DDX54: variants seen among roughly 807,000 people sequenced by gnomAD.
DDX54 encodes the protein ATP-dependent RNA helicase DDX54.
A neutral mutation model predicts 105.5 loss-of-function variants in DDX54; 67 were observed. That is an observed-to-expected ratio of 0.64 (90% CI 0.52 to 0.78). The LOEUF is 0.78. Ranked by LOEUF, DDX54 falls within the 30% of genes least tolerant of loss-of-function variation. DDX54 has a pLI of 0.00. For missense variants in DDX54, 1,206 were observed against 1,230.5 expected, an observed-to-expected ratio of 0.98 and a Z score of 0.30; for synonymous variants, 514 against 509.9, an observed-to-expected ratio of 1.01 and a Z score of -0.11.
Position 113,175,067 on chromosome 12 carries a change from C to A in DDX54, c.843G>T (p.Leu281=). 1 of 1,613,956 alleles carries A rather than the reference C, an allele frequency of 6.2e-7. No homozygotes were observed. Among genetic ancestry groups the A allele is most frequent in the Non-Finnish European group, 8.5e-7 (1 of 1,180,002 alleles). Residue 281 remains leucine, a synonymous_variant, in exon 8 of 20, where the codon CTG becomes CTT. Transcript: ENST00000306014. ...GHQTVLFSAT[L]PKLLVEFARA... is the part of the protein sequence containing the mutation. ...GGGCAAATTCCACCAGCAGTTTGGG[C>A]AGCGTGGCGGAGAACAGCACCGTCT...
At chr12:113,175,183 G>C (rs1363976390) in intron 7 of DDX54, 26 bp from the exon 8 acceptor site, 1 of 1,571,840 alleles carries the variant, frequency 6.4e-7, no homozygotes, top group East Asian at 2.2e-5. Context: ...GCAGGACTGG[G>C]TCAGAGGGGG....
intron 19 of DDX54, among the ~76,000 whole-genome samples, chr12:113,160,117 G>C (rs1952185641): frequency 6.6e-6 from 1 of 152,218 alleles, no homozygotes; most frequent in Non-Finnish European, 1.5e-5. Context: ...AAAACAGGCT[G>C]AGAAGTGAGG....
chr12:113,175,600 A>G lies in DDX54; in HGVS notation c.753-443T>C, dbSNP rs552531091. On this transcript the variant is annotated intron_variant, in intron 7 of 19. Coordinates refer to ENST00000306014, the MANE Select transcript of DDX54 (RefSeq NM_024072.4). ...TCAGGAGATCGAGACCATCCTGGCT[A>G]ACACAGTGAAACCCCGTCTCTATTA... 1.6e-4 allele frequency among the ~76,000 whole-genome samples: 25 copies of G among 152,280 alleles called. No homozygotes were observed. In the Middle Eastern group the frequency reaches 0.014, roughly 83 times the overall value.
In DDX54 at chr12:113,174,672, C is replaced by G; in HGVS notation, c.1036G>C (p.Ala346Pro). The change falls in exon 10 of 20, where the codon GCC (alanine) becomes CCC (proline). Residue 346 changes from alanine (A) to proline (P), a missense_variant. Physicochemically the swap from Ala to Pro is conservative, Grantham distance 27 (BLOSUM62 -1). Transcript: ENST00000306014. The part of the protein sequence containing the change: ...RPQDQTVVFV[A>P]TKHHAEYLTE... ...AGGTACTCGGCGTGGTGCTTCGTGGCCACAAACACCACGGTCTGGTCCTGG... is the reference window on the plus strand; with the variant it reads ...AGGTACTCGGCGTGGTGCTTCGTGGGCACAAACACCACGGTCTGGTCCTGG... The G allele has an allele frequency of 6.2e-7, 1 of 1,610,738 alleles. No homozygotes were observed. Among genetic ancestry groups the G allele is most frequent in the Non-Finnish European group, 8.5e-7 (1 of 1,177,166 alleles).
chr12:113,173,179 A>G (rs1338860211), intron 10 of DDX54, among the ~76,000 whole-genome samples: 2 of 152,192 alleles, frequency 1.3e-5, no homozygotes, highest in Non-Finnish European at 2.9e-5. Flanking sequence ...ATCTCTACAA[A>G]AAAAATTAAA....
In DDX54 at chr12:113,166,120, C is replaced by T. The variant is rs373234052; in HGVS notation, c.1415-88G>A. 5 of 1,319,600 alleles carry T rather than the reference C, an allele frequency of 3.8e-6. No individual in the cohort carries two copies. The African/African-American group carries it at 5.8e-5, about 15-fold the overall frequency. The allele number at this position is 1,319,600 out of a possible 1,614,324, so 81.7% of individuals were successfully genotyped here. On this transcript the variant is annotated intron_variant, in intron 12 of 19. Coordinates refer to ENST00000306014, the MANE Select transcript of DDX54 (RefSeq NM_024072.4). ...CCACCACTCTTGGGCCTCACCCTGG[C>T]CCCTGAATCACAGGTAAATGGCTAC... is the stretch of plus-strand genomic sequence containing the variant.
At chr12:113,162,135 G>A in intron 17 of DDX54, 138 bp from the exon 18 acceptor site, 1 of 756,502 alleles carries the variant, frequency 1.3e-6, no homozygotes. Context: ...GCCATGTCTG[G>A]CATGCAGTTG....
chr12:113,165,760 G>A (rs776838944), intron 13 of DDX54, 42 bp downstream of exon 13: 2 of 1,604,780 alleles, frequency 1.2e-6, no homozygotes, highest in East Asian at 4.5e-5. Flanking sequence ...GGTGGGGTCA[G>A]CAAGGCCCAC....
chr12:113,178,860 T>C lies in DDX54; in HGVS notation c.614+117A>G, dbSNP rs1952434267. 6 of 1,377,806 alleles carry C rather than the reference T, an allele frequency of 4.4e-6. No individual in the cohort carries two copies. The South Asian group carries it at 8.1e-5, about 19-fold the overall frequency. The allele number at this position is 1,377,806 out of a possible 1,614,324, so 85.3% of individuals were successfully genotyped here. A position where few individuals can be genotyped will look rare whatever the true frequency, so the allele number is the denominator to read the frequency against. ...GCCCGGCCTTGTTGGGTTTTTTGAA[T>C]GAGCACAGAAGCTGCTATTATTAAT... On this transcript the variant is annotated intron_variant, in intron 5 of 19. Coordinates refer to ENST00000306014, the MANE Select transcript of DDX54 (RefSeq NM_024072.4).
At chr12:113,172,123 T>G (rs971908923) in intron 11 of DDX54, among the ~76,000 whole-genome samples, 1 of 142,712 alleles carries the variant, frequency 7.0e-6, no homozygotes, top group Non-Finnish European at 1.5e-5. Flanking sequence ...AATTGGGTTG[T>G]TTTTTTTTTT....
Position 113,159,035 on chromosome 12 carries a change from G to A in DDX54, c.2488C>T (p.Leu830=), listed in dbSNP as rs746096469. 1.2e-6 allele frequency: 2 copies of A among 1,611,602 alleles called. No homozygotes were observed. The highest frequency in any genetic ancestry group is 1.7e-6 in the Non-Finnish European group (2 of 1,179,214). Residue 830 remains leucine (L), a synonymous_variant, in exon 20 of 20, where the codon CTG becomes TTG. Transcript: ENST00000306014. The stretch of plus-strand genomic sequence containing the variant: ...TTCTGGGCCCGGCGCCGCTGCTTCA[G>A]GATCTGCTGCTTGGTCTTGAGTTCC... ...RPELKTKQQI[L]KQRRRAQKLH... is the part of the protein sequence containing the mutation.
At chr12:113,175,475 C>A (rs1300245120) in intron 7 of DDX54, among the ~76,000 whole-genome samples, 3 of 152,108 alleles carry the variant, frequency 2.0e-5, no homozygotes, top group Admixed American at 6.6e-5. Context: ...TAGGCGAGAT[C>A]CCATCTCTAC....
chr12:113,182,746 G>A (rs1328650733), intron 1 of DDX54, among the ~76,000 whole-genome samples: 1 of 151,268 alleles, frequency 6.6e-6, no homozygotes, highest in African/African-American at 2.4e-5. Flanking sequence ...CAGTAGAGAT[G>A]GGGTTTCACC....
At chr12:113,161,809 C>CCCA in intron 18 of DDX54, 84 bp downstream of exon 18, 1 of 303,676 alleles carries the variant, frequency 3.3e-6, no homozygotes, top group Non-Finnish European at 6.1e-6. Flanking sequence ...GCCCCCGCCC[C>CCCA]CGCCCCCAGG....
chr12:113,163,299 A>G lies in DDX54; in HGVS notation c.1939-25T>C, dbSNP rs1952233185. ...CCTGGCAGAGCACAGACCAAGGCCC[A>G]GTGTCATGCCTGCTGCCCCCTGGGG... On this transcript the variant is annotated intron_variant, in intron 15 of 19. Transcript: ENST00000306014. This position sits in a 1 kb window ranked among gnomAD's most constrained non-coding sequence, Gnocchi z 5.9. 6.2e-7 allele frequency: 1 copy of G among 1,600,554 alleles called. No individual in the cohort carries two copies. Among genetic ancestry groups the G allele is most frequent in the Admixed American group, 1.7e-5 (1 of 59,702 alleles).
intron 12 of DDX54, among the ~76,000 whole-genome samples, chr12:113,169,016 A>T (rs917581519): frequency 1.3e-5 from 2 of 152,060 alleles, no homozygotes; most frequent in African/African-American, 4.8e-5. Flanking sequence ...CTGAAAACTC[A>T]TCAAGTATAG....
rs1002870064 is a variant in DDX54 at position 113,166,032 on chromosome 12, C to T, written c.1415G>A (p.Gly472Asp). 2 of 1,603,152 alleles carry T rather than the reference C, an allele frequency of 1.2e-6. No homozygotes were observed. Among genetic ancestry groups the T allele is most frequent in the Admixed American group, 1.7e-5 (1 of 59,966 alleles). Residue 472 changes from glycine to aspartate, a missense_variant and splice_region_variant, in exon 13 of 20, where the codon GGT (glycine) becomes GAT (aspartate). Gly to Asp is a moderately conservative substitution (Grantham distance 94, BLOSUM62 -1). Coordinates refer to ENST00000306014, the MANE Select transcript of DDX54 (RefSeq NM_024072.4). Reference protein sequence around the residue: ...TLARPLKEPSGVAGVDGMLGR... With the variant: ...TLARPLKEPSDVAGVDGMLGR... Reference sequence around the variant, plus strand: ...CAGCATGCCATCCACACCGGCCACACCTGCACCCCACACAGCACCTTGTCA... The same window carrying T: ...CAGCATGCCATCCACACCGGCCACATCTGCACCCCACACAGCACCTTGTCA...
chr12:113,166,619 T>G (rs1952280112), intron 12 of DDX54, among the ~76,000 whole-genome samples: 1 of 152,132 alleles, frequency 6.6e-6, no homozygotes, highest in Non-Finnish European at 1.5e-5. Context: ...GGAGGATCGC[T>G]TGAGCCTGGG....
chr12:113,165,210 T>A (rs1186222085), intron 14 of DDX54, among the ~76,000 whole-genome samples: 1 of 152,164 alleles, frequency 6.6e-6, no homozygotes, highest in Non-Finnish European at 1.5e-5. Flanking sequence ...CCTCAGTAGG[T>A]CTTTCCTTTT....
Sources: gnomAD v4.1 joint callset for allele counts (sites outside exome capture counted in the v4.1 genomes callset) on GRCh38, gnomAD v4.1.1 for gene constraint, Gnocchi (gnomAD v3.1) non-coding constraint, MANE v1.5 for transcripts, NCBI Gene and HGNC (gene_info 2026-07-23, HGNC 2026-07-21) for gene names.